ABHD17B: variants seen among roughly 807,000 people sequenced by gnomAD.
ABHD17B encodes the protein abhydrolase domain containing 17B, depalmitoylase.
A neutral mutation model predicts 26.2 loss-of-function variants in ABHD17B; 9 were observed. The observed-to-expected ratio is 0.34, with a 90% CI of 0.21 to 0.60. The LOEUF (loss-of-function observed/expected upper bound fraction) is 0.60. Ranked by LOEUF, ABHD17B falls within the 20% of genes least tolerant of loss-of-function variation. ABHD17B has a pLI of 0.80. For synonymous variants in ABHD17B, 127 were observed against 122.3 expected, an observed-to-expected ratio of 1.04 and a Z score of -0.25; for missense variants, 224 against 352.1, an observed-to-expected ratio of 0.64 and a Z score of 2.91.
intron 1 of ABHD17B, among the ~76,000 whole-genome samples, chr9:71,881,483 G>T (rs1054328885): frequency 1.3e-5 from 2 of 152,068 alleles, no homozygotes; most frequent in Non-Finnish European, 2.9e-5. Flanking sequence ...AAAAAAAATA[G>T]ATAAATCAGA....
At chr9:71,870,377 T>A in intron 2 of ABHD17B, 115 bp from the exon 3 acceptor site, 1 of 904,710 alleles carries the variant, frequency 1.1e-6, no homozygotes, top group Non-Finnish European at 1.5e-6. Context: ...ATCCATTTTT[T>A]AAACTTAAGT....
At chr9:71,881,543 G>C (rs1315616313) in intron 1 of ABHD17B, among the ~76,000 whole-genome samples, 1 of 152,156 alleles carries the variant, frequency 6.6e-6, no homozygotes, top group Non-Finnish European at 1.5e-5. Flanking sequence ...GATACTGAAA[G>C]GACAACCTAC....
intron 1 of ABHD17B, among the ~76,000 whole-genome samples, chr9:71,887,609 A>C (rs1009588479): frequency 6.6e-6 from 1 of 152,230 alleles, no homozygotes; most frequent in African/African-American, 2.4e-5. Flanking sequence ...CATAGTATGA[A>C]TATTTCTTTC....
Position 71,904,751 on chromosome 9 carries a change from G to A in ABHD17B, c.-4+5883C>T, listed in dbSNP as rs369782479. Among the ~76,000 whole-genome samples, 42 of 152,222 alleles carry A rather than the reference G, an allele frequency of 2.8e-4. No homozygotes were observed. In the South Asian group the frequency reaches 8.1e-3, roughly 29 times the overall value. On this transcript the variant is annotated intron_variant, in intron 1 of 3. Coordinates refer to ENST00000333421, the MANE Select transcript of ABHD17B (RefSeq NM_001025780.3). ...CAAAAAACAGGTAAAGTAAAAAAGA[G>A]AAAAGTTGGAATGAAAGAGGTGTCA...
intron 1 of ABHD17B, among the ~76,000 whole-genome samples, chr9:71,887,717 A>C (rs564934588): frequency 2.8e-4 from 42 of 152,326 alleles, no homozygotes; most frequent in Admixed American, 6.5e-4. Flanking sequence ...TACTAGCTTC[A>C]AATGCTAAAG....
At chr9:71,892,524 C>T (rs1199745031) in intron 1 of ABHD17B, among the ~76,000 whole-genome samples, 2 of 151,542 alleles carry the variant, frequency 1.3e-5, no homozygotes, top group Non-Finnish European at 2.9e-5. Context: ...CAGAGTGAGA[C>T]TCCCTCTCAA....
chr9:71,868,052 C>CAAAA (rs531749783), intron 3 of ABHD17B, among the ~76,000 whole-genome samples: 4 of 131,530 alleles, frequency 3.0e-5, no homozygotes, highest in Non-Finnish European at 4.7e-5. Context: ...ACTAAAAATA[C>CAAAA]AAAAAAAAAA....
chr9:71,879,062 G>A (rs1219439594), intron 1 of ABHD17B, among the ~76,000 whole-genome samples: 2 of 152,266 alleles, frequency 1.3e-5, no homozygotes, highest in East Asian at 3.9e-4. Flanking sequence ...TGGCTGGAGT[G>A]GGAGGACTGC....
intron 1 of ABHD17B, among the ~76,000 whole-genome samples, chr9:71,901,820 T>C (rs1375590010): frequency 2.0e-5 from 3 of 152,196 alleles, no homozygotes; most frequent in Non-Finnish European, 4.4e-5. Context: ...AATCACTCAC[T>C]AATATCTATT....
At chr9:71,875,986 T>C (rs1485902055) in intron 1 of ABHD17B, among the ~76,000 whole-genome samples, 2 of 152,238 alleles carry the variant, frequency 1.3e-5, no homozygotes, top group East Asian at 3.8e-4. Context: ...TGGGCTACAC[T>C]GCCTCACAGA....
rs148492938 is a variant in ABHD17B, at chr9:71,903,906, C to A, written c.-4+6728G>T. Among the ~76,000 whole-genome samples the A allele has an allele frequency of 3.9e-5, 6 of 152,224 alleles. No homozygotes were observed. The South Asian group carries it at 1.2e-3, about 32-fold the overall frequency. On this transcript the variant is annotated intron_variant, in intron 1 of 3. Coordinates refer to ENST00000333421, the MANE Select transcript of ABHD17B (RefSeq NM_001025780.3). ...ATCTTTTAATCTTAATAATACTTTT[C>A]CCAGGTTATCATGAAGAAATCAAGA...
intron 2 of ABHD17B, among the ~76,000 whole-genome samples, 184 bp downstream of exon 2, chr9:71,874,428 CTT>C (rs1448057605): frequency 1.3e-5 from 2 of 152,178 alleles, no homozygotes; most frequent in South Asian, 2.1e-4. Flanking sequence ...TCTTTAAAAA[CTT>C]TGTTTTGCTA....
intron 1 of ABHD17B, among the ~76,000 whole-genome samples, chr9:71,908,605 C>A (rs998046502): frequency 6.6e-6 from 1 of 152,110 alleles, no homozygotes; most frequent in African/African-American, 2.4e-5. Flanking sequence ...ACTCTATTTT[C>A]TTGTCATCAC....
intron 1 of ABHD17B, among the ~76,000 whole-genome samples, chr9:71,881,173 T>TC (rs1826430843): frequency 6.6e-6 from 1 of 152,124 alleles, no homozygotes. Flanking sequence ...GAACTGAGAA[T>TC]CCAGAAATAA....
At chr9:71,897,208 A>G (rs889491567) in intron 1 of ABHD17B, among the ~76,000 whole-genome samples, 5 of 152,206 alleles carry the variant, frequency 3.3e-5, no homozygotes, top group Non-Finnish European at 7.3e-5. Context: ...ACTCCATATC[A>G]TTAAACTTCT....
At chr9:71,909,633 GATTT>G (rs1180465207) in intron 1 of ABHD17B, among the ~76,000 whole-genome samples, 2 of 152,134 alleles carry the variant, frequency 1.3e-5, no homozygotes, top group South Asian at 2.1e-4. Flanking sequence ...GATCTCCAAA[GATTT>G]ATTAGAGGCA....
chr9:71,881,148 T>C (rs1826429747), intron 1 of ABHD17B, among the ~76,000 whole-genome samples: 1 of 152,140 alleles, frequency 6.6e-6, no homozygotes, highest in Admixed American at 6.5e-5. Context: ...TAAGGACAAA[T>C]ATATCTAAGG....
chr9:71,898,385 A>G (rs1248935350), intron 1 of ABHD17B, among the ~76,000 whole-genome samples: 2 of 151,768 alleles, frequency 1.3e-5, no homozygotes, highest in Non-Finnish European at 2.9e-5. Flanking sequence ...TAATCCAAGC[A>G]CTTTGGGAGG....
Position 71,866,512 on chromosome 9 carries a change from T to C in ABHD17B, c.*275A>G. The C allele has an allele frequency of 8.8e-7, 1 of 1,137,452 alleles. No homozygotes were observed. The highest frequency in any genetic ancestry group is 1.1e-6 in the Non-Finnish European group (1 of 925,710). The allele number at this position is 1,137,452 out of a possible 1,614,324, so 70.5% of individuals were successfully genotyped here. ...GCAATACTTTTACAGCATTTGATTT[T>C]ATAGAATTAAAATCTCATACAGTAC... On this transcript the variant is annotated 3_prime_UTR_variant, in exon 4 of 4. Coordinates refer to ENST00000333421, the MANE Select transcript of ABHD17B (RefSeq NM_001025780.3).
Sources: allele counts gnomAD v4.1 joint callset (sites outside exome capture counted in the v4.1 genomes callset), GRCh38; gene constraint gnomAD v4.1.1; transcripts MANE v1.5; gene names NCBI Gene and HGNC (gene_info 2026-07-23, HGNC 2026-07-21).